The following NRXN3 variants were observed in gnomAD, a reference collection of about 807,000 sequenced individuals.
NRXN3 encodes the protein neurexin III.
A neutral mutation model predicts 137.6 loss-of-function variants in NRXN3; 32 were observed. The observed-to-expected ratio is 0.23, with a 90% CI of 0.18 to 0.31. NRXN3 has a LOEUF of 0.31. Ranked by LOEUF, NRXN3 falls within the 10% of genes least tolerant of loss-of-function variation. The pLI, the probability that NRXN3 is intolerant of heterozygous loss-of-function variation, is 1.00. For synonymous variants in NRXN3, 798 were observed against 784.5 expected, an observed-to-expected ratio of 1.02 and a Z score of -0.29; for missense variants, 1,574 against 2,062.5, an observed-to-expected ratio of 0.76 and a Z score of 4.59.
chr14:79,357,932 T>A (rs2093484276), intron 15 of NRXN3, among the ~76,000 whole-genome samples: 1 of 152,166 alleles, frequency 6.6e-6, no homozygotes, highest in East Asian at 1.9e-4. Context: ...TTTTGCTCAG[T>A]CAGCATAGGA....
intron 15 of NRXN3, among the ~76,000 whole-genome samples, chr14:79,043,933 G>T (rs1452643879): frequency 6.6e-6 from 1 of 152,138 alleles, no homozygotes; most frequent in Non-Finnish European, 1.5e-5. Context: ...CTTTTTTGAT[G>T]TGGGGAAACT....
chr14:78,345,886 G>A (rs985717568), intron 4 of NRXN3, among the ~76,000 whole-genome samples: 1 of 152,198 alleles, frequency 6.6e-6, no homozygotes, highest in South Asian at 2.1e-4. Flanking sequence ...CTTTTCTGTA[G>A]CATCAGGTCC....
At chr14:79,462,908 A>G (rs2096370643) in intron 15 of NRXN3, among the ~76,000 whole-genome samples, 1 of 152,246 alleles carries the variant, frequency 6.6e-6, no homozygotes, top group African/African-American at 2.4e-5. Context: ...ATGTATATGT[A>G]CATACACATA....
intron 10 of NRXN3, among the ~76,000 whole-genome samples, chr14:78,867,327 A>AT (rs2099089522): frequency 6.6e-6 from 1 of 152,186 alleles, no homozygotes; most frequent in Non-Finnish European, 1.5e-5. Context: ...TTAGCCATTA[A>AT]TTTTATAATT....
chr14:78,885,676 A>G (rs2099141637), intron 10 of NRXN3, among the ~76,000 whole-genome samples: 1 of 152,138 alleles, frequency 6.6e-6, no homozygotes, highest in African/African-American at 2.4e-5. Flanking sequence ...ATCCAAAAGC[A>G]AAGAATCTTG....
chr14:78,261,140 CCCT>C (rs2070644499), intron 2 of NRXN3, among the ~76,000 whole-genome samples: 1 of 152,156 alleles, frequency 6.6e-6, no homozygotes, highest in Non-Finnish European at 1.5e-5. Flanking sequence ...CTCTCTCACC[CCCT>C]ATTCAATCTG....
chr14:79,053,606 C>T (rs1405916421), intron 15 of NRXN3, among the ~76,000 whole-genome samples: 1 of 138,092 alleles, frequency 7.2e-6, no homozygotes, highest in Non-Finnish European at 1.6e-5. Context: ...TGTGCGTGTT[C>T]TATGTGTGCT....
chr14:78,321,912 T>G (rs7151974), intron 4 of NRXN3, among the ~76,000 whole-genome samples: 78,791 of 151,658 alleles, frequency 0.52, 22,129 homozygotes, highest in African/African-American at 0.73. Flanking sequence ...CTTCTGAATG[T>G]TACCTGAGTG....
rs189210755 is a variant in NRXN3 at position 79,374,658 on chromosome 14, T to C, written c.3263-92563T>C. On this transcript the variant is annotated intron_variant, in intron 15 of 20. Coordinates refer to ENST00000335750, the MANE Select transcript of NRXN3 (RefSeq NM_001330195.2). ...AGTCTTTAGACAAAGCTTAACTCTT[T>C]CAATCAATTGCCAACTAAAGTATCT... Among the ~76,000 whole-genome samples, 550 of 152,234 alleles carry C rather than the reference T, an allele frequency of 3.6e-3. 3 individuals are homozygous for C. Among genetic ancestry groups the C allele is most frequent in the Non-Finnish European group, 5.7e-3 (390 of 68,024 alleles).
intron 4 of NRXN3, among the ~76,000 whole-genome samples, chr14:78,571,169 A>C (rs2152314330): frequency 6.6e-6 from 1 of 152,332 alleles, no homozygotes; most frequent in Non-Finnish European, 1.5e-5. Flanking sequence ...ATAATGCTGA[A>C]CTAATAATGG....
chr14:78,356,525 C>T (rs905568616), intron 4 of NRXN3, among the ~76,000 whole-genome samples: 1 of 152,178 alleles, frequency 6.6e-6, no homozygotes, highest in Admixed American at 6.5e-5. Flanking sequence ...TTGCATTCAC[C>T]CAGTCTCCCT....
chr14:78,426,369 G>A lies in NRXN3; in HGVS notation c.757+128509G>A, dbSNP rs78040267. Among the ~76,000 whole-genome samples, 919 of 152,296 alleles carry A rather than the reference G, an allele frequency of 6.0e-3. 29 individuals are homozygous for A. The East Asian group carries it at 0.067, about 11-fold the overall frequency. ...GACAGTAGGGACTCTGCATTGAAGG[G>A]GATCTCACTGCCATTCACAGGTTGC... On this transcript the variant is annotated intron_variant, in intron 4 of 20. Transcript: ENST00000335750.
intron 20 of NRXN3, among the ~76,000 whole-genome samples, chr14:79,821,031 G>A (rs1437598182): frequency 6.6e-6 from 1 of 152,056 alleles, no homozygotes; most frequent in Non-Finnish European, 1.5e-5. Flanking sequence ...ATGATGCAAG[G>A]AGGCAAAAAA....
At chr14:79,704,797 C>T (rs1376305285) in intron 19 of NRXN3, among the ~76,000 whole-genome samples, 2 of 152,122 alleles carry the variant, frequency 1.3e-5, no homozygotes, top group East Asian at 3.9e-4. Flanking sequence ...CTCTAATTTA[C>T]TTGTTGCCTG....
At chr14:78,877,596 T>C (rs1421597807) in intron 10 of NRXN3, among the ~76,000 whole-genome samples, 1 of 152,220 alleles carries the variant, frequency 6.6e-6, no homozygotes, top group East Asian at 1.9e-4. Flanking sequence ...TAACACAGTA[T>C]CTTGCCTGTA....
chr14:78,444,283 G>T (rs1205440402), intron 4 of NRXN3, among the ~76,000 whole-genome samples: 1 of 152,198 alleles, frequency 6.6e-6, no homozygotes, highest in Admixed American at 6.5e-5. Flanking sequence ...GATTTCAGTT[G>T]CTGTAGGTTA....
At chr14:78,220,064 G>C (rs1181457950) in intron 1 of NRXN3, among the ~76,000 whole-genome samples, 1 of 152,048 alleles carries the variant, frequency 6.6e-6, no homozygotes, top group Non-Finnish European at 1.5e-5. Flanking sequence ...TGAAGAGCGT[G>C]GGATAATGCC....
intron 20 of NRXN3, among the ~76,000 whole-genome samples, chr14:79,834,133 G>C (rs570852700): frequency 6.6e-6 from 1 of 152,110 alleles, no homozygotes; most frequent in African/African-American, 2.4e-5. Flanking sequence ...CAGAGAGTTG[G>C]TAGTTACATA....
chr14:79,758,850 T>C (rs1282226948), intron 19 of NRXN3, among the ~76,000 whole-genome samples: 1 of 152,200 alleles, frequency 6.6e-6, no homozygotes, highest in Non-Finnish European at 1.5e-5. Context: ...TCTCAAGGTT[T>C]GGTTTTCTAG....
Sources: allele counts gnomAD v4.1 joint callset (sites outside exome capture counted in the v4.1 genomes callset), GRCh38; gene constraint gnomAD v4.1.1; transcripts MANE v1.5; gene names NCBI Gene and HGNC (gene_info 2026-07-23, HGNC 2026-07-21).